The following KAZN variants were observed in gnomAD, a reference collection of about 807,000 sequenced individuals.
The protein encoded by KAZN is kazrin.
In KAZN, 40 loss-of-function variants were observed where a neutral mutation model predicts 87.4. That is an observed-to-expected ratio of 0.46 (90% confidence interval 0.36 to 0.60). The LOEUF (loss-of-function observed/expected upper bound fraction) is 0.60, where lower values mean the gene tolerates loss of function less well. KAZN is among the 20% of genes least tolerant of loss of function. The pLI, the probability that KAZN is intolerant of heterozygous loss-of-function variation, is 0.00. For missense variants in KAZN, 898 were observed against 1,073.9 expected (o/e 0.84, Z 2.29); for synonymous variants, 466 against 458.3 (o/e 1.02, Z -0.22).
At chr1:14,614,889 G>T (rs903887785) in intron 1 of KAZN, among the ~76,000 whole-genome samples, 4 of 152,210 alleles carry the variant, frequency 2.6e-5, no homozygotes, top group Non-Finnish European at 4.4e-5. Flanking sequence ...TGCAAATGCT[G>T]TCTCTTAACA....
chr1:14,514,185 T>C (rs943115934), intron 2 of KAZN, among the ~76,000 whole-genome samples: 11 of 142,408 alleles, frequency 7.7e-5, no homozygotes, highest in African/African-American at 2.9e-4. Context: ...ATTAGCCAGG[T>C]GTGGTGGCAG....
intron 2 of KAZN, among the ~76,000 whole-genome samples, chr1:15,031,763 T>C (rs1303654353): frequency 2.0e-5 from 3 of 151,924 alleles, no homozygotes; most frequent in Non-Finnish European, 4.4e-5. Context: ...ACCACCACAA[T>C]CAGCGTATTG....
chr1:14,430,269 A>G lies in KAZN; in HGVS notation c.250-168714A>G, dbSNP rs190293248. On this transcript the variant is annotated intron_variant, in intron 2 of 16. Transcript: ENST00000636203. Reference sequence around the variant, plus strand: ...GCCTACTTTTTTTTCCTTTGTCCATATCACCTTTTAACTTACAATAGAATT... The same window carrying G: ...GCCTACTTTTTTTTCCTTTGTCCATGTCACCTTTTAACTTACAATAGAATT... 3.3e-5 allele frequency among the ~76,000 whole-genome samples: 5 copies of G among 150,410 alleles called. No individual in the cohort carries two copies. The East Asian group carries it at 5.8e-4, about 18-fold the overall frequency.
At chr1:14,122,744 A>G (rs1027994173) in intron 1 of KAZN, among the ~76,000 whole-genome samples, 9 of 152,200 alleles carry the variant, frequency 5.9e-5, no homozygotes, top group African/African-American at 2.2e-4. Context: ...TGTTCTTCTG[A>G]AGGCTTATGT....
At chr1:14,026,212 T>C (rs116731150) in intron 1 of KAZN, among the ~76,000 whole-genome samples, 3,318 of 152,306 alleles carry the variant, frequency 0.022, 124 homozygotes, top group African/African-American at 0.075. Context: ...ATCCTCCCAA[T>C]GAGAGCTCAG....
At chr1:14,650,798 A>G (rs1357469499) in intron 1 of KAZN, among the ~76,000 whole-genome samples, 1 of 152,184 alleles carries the variant, frequency 6.6e-6, no homozygotes, top group Admixed American at 6.5e-5. Context: ...TAGGTAGGGT[A>G]GTGCTTGGTG....
intron 1 of KAZN, among the ~76,000 whole-genome samples, chr1:13,900,593 A>T (rs550139586): frequency 1.3e-5 from 2 of 152,204 alleles, no homozygotes; most frequent in Admixed American, 1.3e-4. Flanking sequence ...GGCCTCCCAC[A>T]TCACTACATC....
At chr1:14,951,773 A>G (rs1662513356) in intron 1 of KAZN, among the ~76,000 whole-genome samples, 1 of 152,064 alleles carries the variant, frequency 6.6e-6, no homozygotes, top group African/African-American at 2.4e-5. Flanking sequence ...CACCATACCC[A>G]TCTGTGTCTC....
intron 2 of KAZN, among the ~76,000 whole-genome samples, chr1:14,547,551 T>C (rs1673232756): frequency 1.3e-5 from 2 of 152,222 alleles, no homozygotes; most frequent in Admixed American, 1.3e-4. Context: ...TGATGTATTT[T>C]TTAGTGTTAA....
In KAZN at chr1:15,079,346, G is replaced by A. The variant is rs537048263; in HGVS notation, c.1222+13593G>A. Among the ~76,000 whole-genome samples, 5 of 152,042 alleles carry A rather than the reference G, an allele frequency of 3.3e-5. No individual in the cohort carries two copies. The South Asian group carries it at 1.0e-3, about 31-fold the overall frequency. On this transcript the variant is annotated intron_variant, in intron 8 of 14. Coordinates refer to ENST00000376030, the MANE Select transcript of KAZN (RefSeq NM_201628.3). ...GCAAAATTGGTGAAAATCTAGCTAG[G>A]GAGTGAATTAATCCAGTTAATTAAT...
intron 2 of KAZN, among the ~76,000 whole-genome samples, chr1:14,514,631 A>T (rs1671205585): frequency 2.1e-5 from 2 of 94,148 alleles, no homozygotes; most frequent in Non-Finnish European, 3.9e-5. Context: ...ATATATATAT[A>T]TATATATATC....
At chr1:14,681,515 C>T (rs905014433) in intron 1 of KAZN, among the ~76,000 whole-genome samples, 34 of 148,112 alleles carry the variant, frequency 2.3e-4, no homozygotes, top group African/African-American at 8.5e-4. Context: ...CCATTTTCAG[C>T]TTGAAAGTGG....
rs1286511151 is a variant in KAZN at position 14,607,003 on chromosome 1, ATC to A, written c.226+7782_226+7783del. On this transcript the variant is annotated intron_variant, in intron 1 of 14. Transcript: ENST00000376030. The stretch of plus-strand genomic sequence containing the variant: ...CAGCTCTGTGAGGTCAGGGAGTTTT[ATC>A]TATATTTTACTGTATCCTCACCACC... Among the ~76,000 whole-genome samples the A allele has an allele frequency of 5.3e-5, 8 of 152,264 alleles. No individual in the cohort carries two copies. In the South Asian group the frequency reaches 1.0e-3, roughly 20 times the overall value.
At chr1:13,955,933 G>A (rs565724718) in intron 1 of KAZN, among the ~76,000 whole-genome samples, 7 of 152,218 alleles carry the variant, frequency 4.6e-5, no homozygotes, top group African/African-American at 1.4e-4. Context: ...GTAGAGTCAC[G>A]CCAGTCATTC....
At chr1:14,428,466 T>C (rs561758178) in intron 2 of KAZN, among the ~76,000 whole-genome samples, 18 of 152,354 alleles carry the variant, frequency 1.2e-4, no homozygotes, top group South Asian at 1.0e-3. Flanking sequence ...AAGAATTTGA[T>C]ACAAATAATT....
rs188664210 is a variant in KAZN, at chr1:14,850,982, C to T, written c.227-109702C>T. On this transcript the variant is annotated intron_variant, in intron 1 of 14. Coordinates refer to ENST00000376030, the MANE Select transcript of KAZN (RefSeq NM_201628.3). ...TGAGAGACAGCACGCAGTCTTTCTCCACTCTGTCCTCCAGGCCCTGCACAG... is the reference window on the plus strand; with the variant it reads ...TGAGAGACAGCACGCAGTCTTTCTCTACTCTGTCCTCCAGGCCCTGCACAG... 9.7e-4 allele frequency among the ~76,000 whole-genome samples: 148 copies of T among 152,330 alleles called. 1 individual carries two copies. Among genetic ancestry groups the T allele is most frequent in the African/African-American group, 3.2e-3 (133 of 41,578 alleles).
chr1:14,578,608 G>A (rs538277237), intron 2 of KAZN, among the ~76,000 whole-genome samples: 2 of 152,286 alleles, frequency 1.3e-5, no homozygotes, highest in East Asian at 3.9e-4. Context: ...AATGAATCAA[G>A]TCTTGGGAGC....
At chr1:14,363,414 TAATCAAGGAAA>T (rs1032305828) in intron 2 of KAZN, among the ~76,000 whole-genome samples, 25 of 152,300 alleles carry the variant, frequency 1.6e-4, no homozygotes, top group African/African-American at 5.1e-4. Context: ...ATTTTCCCTC[TAATCAAGGAAA>T]CACAACCCCA....
Position 14,737,569 on chromosome 1 carries a change from C to T in KAZN, c.226+138346C>T, listed in dbSNP as rs142392515. Among the ~76,000 whole-genome samples the T allele has an allele frequency of 3.5e-3, 527 of 152,322 alleles. 1 individual carries two copies. Among genetic ancestry groups the T allele is most frequent in the African/African-American group, 0.012 (503 of 41,582 alleles). On this transcript the variant is annotated intron_variant, in intron 1 of 14. Transcript: ENST00000376030. ...ACTGGGCAGCTTATGAGGACAGACACGTATTACCTCGCAGCTTCTGGAGTT... is the reference window on the plus strand; with the variant it reads ...ACTGGGCAGCTTATGAGGACAGACATGTATTACCTCGCAGCTTCTGGAGTT...
Sources: allele counts gnomAD v4.1 joint callset (sites outside exome capture counted in the v4.1 genomes callset), GRCh38; gene constraint gnomAD v4.1.1; transcripts MANE v1.5; gene names NCBI Gene and HGNC (gene_info 2026-07-23, HGNC 2026-07-21).